RNF150: variants seen among roughly 807,000 people sequenced by gnomAD.
RNF150 encodes the protein ring finger protein 150.
A neutral mutation model predicts 39.3 loss-of-function variants in RNF150; 24 were observed. The observed-to-expected ratio is 0.61, with a 90% CI of 0.44 to 0.86. RNF150 has a LOEUF of 0.86. Ranked by LOEUF, RNF150 falls within the 40% of genes least tolerant of loss-of-function variation. The probability of loss-of-function intolerance (pLI) is 0.00; values close to 1 mark genes in which losing one functional copy is unlikely to be tolerated. For synonymous variants in RNF150, 255 were observed against 227.3 expected, an observed-to-expected ratio of 1.12 and a Z score of -1.10; for missense variants, 502 against 587.8, an observed-to-expected ratio of 0.85 and a Z score of 1.51.
intron 1 of RNF150, among the ~76,000 whole-genome samples, chr4:141,122,177 C>T (rs562601625): frequency 2.0e-5 from 3 of 152,220 alleles, no homozygotes; most frequent in Non-Finnish European, 4.4e-5. Context: ...AACTGAAACC[C>T]GAGTTTCCTA....
intron 1 of RNF150, among the ~76,000 whole-genome samples, chr4:141,202,909 A>G (rs1193045330): frequency 6.6e-6 from 1 of 151,890 alleles, no homozygotes; most frequent in African/African-American, 2.4e-5. Context: ...TAGAGTGGCA[A>G]TAAATCCTTA....
chr4:140,962,103 C>A (rs983367395), intron 2 of RNF150, among the ~76,000 whole-genome samples: 1 of 151,216 alleles, frequency 6.6e-6, no homozygotes, highest in African/African-American at 2.4e-5. Context: ...TCTACACACA[C>A]GCGCGCACAC....
chr4:141,110,857 A>C (rs551759230), intron 1 of RNF150, among the ~76,000 whole-genome samples: 1 of 152,296 alleles, frequency 6.6e-6, no homozygotes, highest in South Asian at 2.1e-4. Context: ...AAAATAAATT[A>C]TATTTTCTCT....
intron 1 of RNF150, among the ~76,000 whole-genome samples, chr4:141,022,070 T>C (rs1479566863): frequency 6.6e-6 from 1 of 152,146 alleles, no homozygotes; most frequent in Non-Finnish European, 1.5e-5. Flanking sequence ...GCCCAGCAAA[T>C]GTGCAAAGAC....
intron 5 of RNF150, among the ~76,000 whole-genome samples, chr4:140,914,418 A>C (rs1207181408): frequency 6.6e-6 from 1 of 152,278 alleles, no homozygotes; most frequent in Non-Finnish European, 1.5e-5. Flanking sequence ...CTGCAAGTGA[A>C]AACTGCACAG....
chr4:141,015,528 A>G (rs1478696526), intron 1 of RNF150, among the ~76,000 whole-genome samples: 1 of 151,946 alleles, frequency 6.6e-6, no homozygotes, highest in East Asian at 1.9e-4. Flanking sequence ...AAATGGGATT[A>G]TTTTCTTAAT....
chr4:140,999,711 G>T (rs1454999175), intron 1 of RNF150, among the ~76,000 whole-genome samples: 2 of 151,954 alleles, frequency 1.3e-5, no homozygotes, highest in East Asian at 3.9e-4. Context: ...AAGGCAGGTG[G>T]ATGACCTGAG....
At chr4:141,092,937 A>G (rs1164898194) in intron 1 of RNF150, among the ~76,000 whole-genome samples, 2 of 152,148 alleles carry the variant, frequency 1.3e-5, no homozygotes, top group Non-Finnish European at 2.9e-5. Flanking sequence ...GCAAGAAGAC[A>G]GTATGATTCC....
chr4:141,008,174 G>C (rs7665647), intron 1 of RNF150, among the ~76,000 whole-genome samples: 22,875 of 152,172 alleles, frequency 0.15, 1,929 homozygotes, highest in Middle Eastern at 0.24. Flanking sequence ...AAAGAAGTAA[G>C]TTTCAATGTA....
chr4:141,046,376 T>C (rs536936810), intron 1 of RNF150, among the ~76,000 whole-genome samples: 3 of 152,292 alleles, frequency 2.0e-5, no homozygotes, highest in South Asian at 2.1e-4. Context: ...CATCCTTCAG[T>C]TGCCAAAGTT....
At chr4:140,868,856 G>T (rs1206100965) in intron 6 of RNF150, among the ~76,000 whole-genome samples, 1 of 151,986 alleles carries the variant, frequency 6.6e-6, no homozygotes, top group Non-Finnish European at 1.5e-5. Flanking sequence ...AATGGACAAA[G>T]GTTACCATTA....
chr4:140,939,630 G>A (rs1329640770), intron 4 of RNF150, among the ~76,000 whole-genome samples: 1 of 148,956 alleles, frequency 6.7e-6, no homozygotes, highest in Non-Finnish European at 1.5e-5. Flanking sequence ...GTGTGTGTGT[G>A]TGTGTGTGTG....
At chr4:140,913,464 TG>T (rs1730696751) in intron 5 of RNF150, among the ~76,000 whole-genome samples, 2 of 152,174 alleles carry the variant, frequency 1.3e-5, no homozygotes, top group Non-Finnish European at 2.9e-5. Context: ...ATATTGTCCC[TG>T]TGCTCAGGAT....
intron 6 of RNF150, among the ~76,000 whole-genome samples, chr4:140,902,276 T>G (rs1221077239): frequency 6.6e-6 from 1 of 152,098 alleles, no homozygotes. Flanking sequence ...GGAAAAAATA[T>G]AGGGTAGCTG....
Position 141,089,140 on chromosome 4 carries a change from T to G in RNF150, c.484+43185A>C, listed in dbSNP as rs149261918. 5.5e-3 allele frequency among the ~76,000 whole-genome samples: 833 copies of G among 152,280 alleles called. 6 individuals are homozygous for G. Among genetic ancestry groups the G allele is most frequent in the Middle Eastern group, 0.041 (12 of 294 alleles). On this transcript the variant is annotated intron_variant, in intron 1 of 6. Coordinates refer to ENST00000515673, the MANE Select transcript of RNF150 (RefSeq NM_020724.2). ...GTTGCTACTTCTTGTGTTGCCTAGG[T>G]TGGACTCCAGAAACCTCAAGACAGA...
At chr4:141,196,312 C>T (rs1231052402) in intron 1 of RNF150, among the ~76,000 whole-genome samples, 1 of 152,138 alleles carries the variant, frequency 6.6e-6, no homozygotes, top group Non-Finnish European at 1.5e-5. Context: ...GTTTTCCTGT[C>T]TTTCTATAGC....
At position 141,065,116 on chromosome 4, in the gene RNF150, C is replaced by T. The variant is rs567708735; in HGVS notation, c.484+67209G>A. The stretch of plus-strand genomic sequence containing the variant: ...CTGACCTCAGGTGATCTGCCCACCT[C>T]GGCCTCCCAAAGTGCTGGGATTACA... On this transcript the variant is annotated intron_variant, in intron 1 of 6. Transcript: ENST00000515673. Among the ~76,000 whole-genome samples the T allele has an allele frequency of 9.5e-4, 144 of 152,262 alleles. 1 individual carries two copies. The highest frequency in any genetic ancestry group is 3.3e-3 in the African/African-American group (137 of 41,558).
intron 1 of RNF150, among the ~76,000 whole-genome samples, chr4:141,146,840 C>G (rs1727212751): frequency 6.6e-6 from 1 of 152,162 alleles, no homozygotes; most frequent in South Asian, 2.1e-4. Flanking sequence ...AGGAATCAAT[C>G]AACAATACCT....
At chr4:141,093,098 G>A (rs774571611) in intron 1 of RNF150, among the ~76,000 whole-genome samples, 3 of 152,054 alleles carry the variant, frequency 2.0e-5, no homozygotes, top group Admixed American at 2.0e-4. Flanking sequence ...TGGGCGCGGC[G>A]GCTCATGCCT....
Sources: gnomAD v4.1 joint callset for allele counts (sites outside exome capture counted in the v4.1 genomes callset) on GRCh38, gnomAD v4.1.1 for gene constraint, MANE v1.5 for transcripts, NCBI Gene and HGNC (gene_info 2026-07-23, HGNC 2026-07-21) for gene names.